Variants in GLCCI1 observed in about 807,000 individuals in gnomAD.
The protein encoded by GLCCI1 is glucocorticoid induced 1.
A neutral mutation model predicts 52.2 loss-of-function variants in GLCCI1; 24 were observed. That is an observed-to-expected ratio of 0.46 (90% confidence interval 0.33 to 0.65). The LOEUF is 0.65. Among genes scored for constraint, GLCCI1 ranks in the 30% least tolerant of loss-of-function variants. GLCCI1 has a pLI of 0.02. For synonymous variants in GLCCI1, 310 were observed against 276.5 expected (o/e 1.12, Z -1.20); for missense variants, 704 against 701.5 (o/e 1.00, Z -0.04).
chr7:8,016,394 G>A (rs185121111), intron 2 of GLCCI1, among the ~76,000 whole-genome samples: 17 of 152,122 alleles, frequency 1.1e-4, no homozygotes, highest in African/African-American at 3.1e-4. Flanking sequence ...GCGTGAACCC[G>A]GGAGGTGGAG....
At chr7:7,995,573 A>G (rs1338757748) in intron 1 of GLCCI1, among the ~76,000 whole-genome samples, 1 of 152,214 alleles carries the variant, frequency 6.6e-6, no homozygotes, top group Non-Finnish European at 1.5e-5. Flanking sequence ...ATGCAGCCAT[A>G]AAAAAGGATG....
Position 7,998,423 on chromosome 7 carries a change from C to T in GLCCI1, c.458-5485C>T, listed in dbSNP as rs377617244. On this transcript the variant is annotated intron_variant, in intron 1 of 7. Transcript: ENST00000223145. ...TAGAGACAGGGTTTCGCCATTTTGGCCAAGCTGGTCTCAATCTCCTGACCT... is the reference window on the plus strand; with the variant it reads ...TAGAGACAGGGTTTCGCCATTTTGGTCAAGCTGGTCTCAATCTCCTGACCT... Among the ~76,000 whole-genome samples the T allele has an allele frequency of 1.1e-4, 17 of 152,188 alleles. No individual in the cohort carries two copies. The South Asian group carries it at 1.5e-3, about 13-fold the overall frequency.
intron 6 of GLCCI1, among the ~76,000 whole-genome samples, chr7:8,083,274 T>A (rs557167234): frequency 6.6e-6 from 1 of 152,182 alleles, no homozygotes; most frequent in Non-Finnish European, 1.5e-5. Flanking sequence ...CTCATATATT[T>A]CCTTTGCCTG....
rs746305778 is a variant in GLCCI1 at position 7,969,364 on chromosome 7, C to T, written c.14C>T (p.Ser5Phe). The T allele has an allele frequency of 6.7e-7, 1 of 1,486,162 alleles. No homozygotes were observed. The highest frequency in any genetic ancestry group is 8.9e-7 in the Non-Finnish European group (1 of 1,119,620). 92.1% of individuals were successfully genotyped at this position (1,486,162 alleles called of 1,614,324 possible). ...CGCAGAGCCACCATGTCCACTGCCTCCTCCTCCTCCTCCTCCAGTTCCTCT... is the reference window on the plus strand; with the variant it reads ...CGCAGAGCCACCATGTCCACTGCCTTCTCCTCCTCCTCCTCCAGTTCCTCT... MSTA[S>F]SSSSSSSSQT... The change falls in exon 1 of 8, where the codon TCC (serine) becomes TTC (phenylalanine). Residue 5 changes from serine (S) to phenylalanine (F), a missense_variant. Ser to Phe is a radical substitution (Grantham distance 155, BLOSUM62 -2). Around this residue, in one of 3 missense-constraint regions of GLCCI1, gnomAD observed 547 missense variants for 524.8 expected, o/e 1.04. Transcript: ENST00000223145. The surrounding 1 kb of genome is among the most constrained non-coding windows in gnomAD (Gnocchi z 4.9).
intron 3 of GLCCI1, among the ~76,000 whole-genome samples, chr7:8,043,580 G>C (rs1388537838): frequency 1.3e-5 from 2 of 152,160 alleles, no homozygotes; most frequent in African/African-American, 2.4e-5. Context: ...GAAAACTGAT[G>C]ATTGACAATA....
intron 5 of GLCCI1, among the ~76,000 whole-genome samples, chr7:8,067,648 T>C (rs936581123): frequency 6.6e-6 from 1 of 152,226 alleles, no homozygotes; most frequent in Non-Finnish European, 1.5e-5. Flanking sequence ...TTTGACTAGA[T>C]AGCCACTTCT....
intron 3 of GLCCI1, among the ~76,000 whole-genome samples, chr7:8,035,128 G>GAT (rs1172107851): frequency 4.6e-5 from 7 of 152,170 alleles, no homozygotes; most frequent in Non-Finnish European, 1.0e-4. Flanking sequence ...GTGCTGGCTG[G>GAT]ACCCAGGGGA....
At chr7:8,056,724 A>G (rs1034800079) in intron 4 of GLCCI1, among the ~76,000 whole-genome samples, 1 of 152,214 alleles carries the variant, frequency 6.6e-6, no homozygotes, top group African/African-American at 2.4e-5. Context: ...GCTGAATTAC[A>G]CTTGATAAAA....
At chr7:8,008,019 A>G (rs2115430299) in intron 2 of GLCCI1, among the ~76,000 whole-genome samples, 1 of 152,326 alleles carries the variant, frequency 6.6e-6, no homozygotes, top group South Asian at 2.1e-4. Flanking sequence ...TGGTAGACAC[A>G]CACACATTTG....
chr7:8,049,615 A>G (rs973807787), intron 3 of GLCCI1, among the ~76,000 whole-genome samples: 4 of 152,240 alleles, frequency 2.6e-5, no homozygotes, highest in African/African-American at 7.2e-5. Context: ...GTAAGTTAAT[A>G]TACAGTCATT....
intron 4 of GLCCI1, 58 bp from the exon 5 acceptor site, chr7:8,060,038 T>C (rs915789545): frequency 8.6e-6 from 12 of 1,395,098 alleles, no homozygotes; most frequent in Non-Finnish European, 2.0e-6. Context: ...CCATACTCTT[T>C]AGTTCTTGAT....
intron 1 of GLCCI1, chr7:7,981,350 TCTCA>T (rs1451827705): frequency 4.2e-6 from 1 of 239,444 alleles, no homozygotes; most frequent in Non-Finnish European, 7.9e-6. Flanking sequence ...TGAGATGGAG[TCTCA>T]CTCTGTTGCT....
chr7:8,016,488 C>G (rs980100000), intron 2 of GLCCI1, among the ~76,000 whole-genome samples: 1 of 151,692 alleles, frequency 6.6e-6, no homozygotes, highest in Non-Finnish European at 1.5e-5. Context: ...CAAAAAAAAC[C>G]AATTAAGATC....
intron 6 of GLCCI1, among the ~76,000 whole-genome samples, chr7:8,076,205 T>C (rs1043679641): frequency 2.0e-5 from 3 of 152,136 alleles, no homozygotes; most frequent in African/African-American, 7.2e-5. Context: ...GCACTTTTCT[T>C]TTGGGGGTTT....
At chr7:7,973,756 A>G (rs964057118) in intron 1 of GLCCI1, among the ~76,000 whole-genome samples, 1 of 152,106 alleles carries the variant, frequency 6.6e-6, no homozygotes, top group African/African-American at 2.4e-5. Flanking sequence ...TTATGATTCT[A>G]TTCTAAAAGA....
chr7:8,069,136 T>G (rs914273248), intron 5 of GLCCI1, among the ~76,000 whole-genome samples: 36 of 152,112 alleles, frequency 2.4e-4, no homozygotes, highest in African/African-American at 8.5e-4. Context: ...GGCTTTATGT[T>G]CTCTCCCAGC....
chr7:8,035,022 T>C (rs1781835367), intron 3 of GLCCI1, among the ~76,000 whole-genome samples: 1 of 152,178 alleles, frequency 6.6e-6, no homozygotes, highest in African/African-American at 2.4e-5. Flanking sequence ...GACTGAGTCC[T>C]GCCCAAGGAA....
chr7:8,049,499 G>A lies in GLCCI1; in HGVS notation c.697-5934G>A, dbSNP rs530271801. Among the ~76,000 whole-genome samples, 12 of 151,986 alleles carry A rather than the reference G, an allele frequency of 7.9e-5. No individual in the cohort carries two copies. The South Asian group carries it at 1.0e-3, about 13-fold the overall frequency. On this transcript the variant is annotated intron_variant, in intron 3 of 7. Transcript: ENST00000223145. ...GTCTCTGTCTAAATTAAATTGAATC[G>A]TAAATATGTTTTATAATGCTTTCAT...
chr7:7,973,497 T>G (rs1780398609), intron 1 of GLCCI1, among the ~76,000 whole-genome samples: 1 of 151,140 alleles, frequency 6.6e-6, no homozygotes, highest in African/African-American at 2.4e-5. Context: ...GTAAAAACAG[T>G]CATATTTAGA....
Sources: allele counts gnomAD v4.1 joint callset (sites outside exome capture counted in the v4.1 genomes callset), GRCh38; gene constraint gnomAD v4.1.1; regional missense constraint gnomAD v4.1.1; non-coding constraint Gnocchi (gnomAD v3.1); transcripts MANE v1.5; gene names NCBI Gene and HGNC (gene_info 2026-07-23, HGNC 2026-07-21).